NCF4: variants seen among roughly 807,000 people sequenced by gnomAD.
NCF4 encodes the protein neutrophil cytosolic factor 4, also known as neutrophil cytosol factor 4.
A neutral mutation model predicts 41.7 loss-of-function variants in NCF4; 30 were observed. The ratio of observed to expected loss-of-function variants is 0.72; its 90% confidence interval spans 0.54 to 0.97. NCF4 has a LOEUF of 0.97. Ranked by LOEUF, NCF4 falls within the 50% of genes least tolerant of loss-of-function variation. NCF4 has a pLI of 0.00. For synonymous variants in NCF4, 195 were observed against 175.8 expected, an observed-to-expected ratio of 1.11 and a Z score of -0.87; for missense variants, 432 against 460.9, an observed-to-expected ratio of 0.94 and a Z score of 0.57.
In NCF4 at chr22:36,865,146, T is replaced by G; in HGVS notation, c.271+74T>G. On this transcript the variant is annotated intron_variant, in intron 3 of 9. Coordinates refer to ENST00000248899, the MANE Select transcript of NCF4 (RefSeq NM_000631.5). The surrounding 1 kb of genome is among the most constrained non-coding windows in gnomAD (Gnocchi z 4.3). ...CCTTCCAGGGCCCCTGACACTGTTCTGTGATTTGATCTCAACCCCAGTGAA... is the reference window on the plus strand; with the variant it reads ...CCTTCCAGGGCCCCTGACACTGTTCGGTGATTTGATCTCAACCCCAGTGAA... The G allele has an allele frequency of 6.3e-7, 1 of 1,578,858 alleles. No homozygotes were observed. The highest frequency in any genetic ancestry group is 1.1e-5 in the South Asian group (1 of 90,202).
Position 36,861,157 on chromosome 22 carries a change from G to A in NCF4, c.-15G>A, listed in dbSNP as rs1439660874. 1.2e-5 allele frequency: 18 copies of A among 1,551,450 alleles called. No individual in the cohort carries two copies. Among genetic ancestry groups the A allele is most frequent in the Non-Finnish European group, 1.6e-5 (18 of 1,146,820 alleles). ...GGCGAGACTCTCCACCTGCTCCCTG[G>A]GACCATCGCCCACCATGGCTGTGGC... On this transcript the variant is annotated 5_prime_UTR_variant, in exon 1 of 10. Transcript: ENST00000248899.
chr22:36,877,652 A>T lies in NCF4; in HGVS notation c.849A>T (p.Ile283=), dbSNP rs761887926. The change falls in exon 10 of 10, where the codon ATA becomes ATT. Residue 283 remains isoleucine (I), a synonymous_variant. Coordinates refer to ENST00000248899, the MANE Select transcript of NCF4 (RefSeq NM_000631.5). ...LTRREFQRED[I]ALNYRDAEGD... The stretch of plus-strand genomic sequence containing the variant: ...GGCGGGAGTTCCAGAGAGAGGACAT[A>T]GCTCTGAATTACCGGGACGCTGAGG... The T allele has an allele frequency of 9.9e-6, 16 of 1,614,044 alleles. No homozygotes were observed. In the Admixed American group the frequency reaches 1.7e-4, roughly 17 times the overall value.
At chr22:36,871,242 A>G (rs746066552) in intron 5 of NCF4, among the ~76,000 whole-genome samples, 1 of 152,214 alleles carries the variant, frequency 6.6e-6, no homozygotes, top group Non-Finnish European at 1.5e-5. Flanking sequence ...TGGCAGCCGC[A>G]GGCCCCAGAG....
intron 3 of NCF4, 98 bp from the exon 4 acceptor site, chr22:36,867,294 A>G: frequency 7.9e-7 from 1 of 1,270,060 alleles, no homozygotes; most frequent in Non-Finnish European, 1.1e-6. Context: ...AGCCATCGGG[A>G]AGGGGCTCTG....
At chr22:36,877,569 T>C (rs1251550680) in intron 9 of NCF4, 59 bp from the exon 10 acceptor site, 19 of 1,589,416 alleles carry the variant, frequency 1.2e-5, no homozygotes, top group Middle Eastern at 1.7e-4. Context: ...TTTCACCCCC[T>C]CTCCCTACCC....
intron 6 of NCF4, 101 bp from the exon 7 acceptor site, chr22:36,872,226 T>C (rs1940074508): frequency 2.0e-6 from 2 of 985,048 alleles, no homozygotes; most frequent in Non-Finnish European, 3.3e-6. Context: ...CAAGCCTCAG[T>C]TTCTACATCT....
intron 5 of NCF4, 65 bp downstream of exon 5, chr22:36,870,607 C>T (rs1940034507): frequency 1.3e-6 from 2 of 1,584,576 alleles, no homozygotes; most frequent in Non-Finnish European, 1.7e-6. Flanking sequence ...AAAAGCATCT[C>T]TTTTCCCTGA....
chr22:36,868,054 G>T (rs754152938), intron 4 of NCF4, among the ~76,000 whole-genome samples: 2 of 152,218 alleles, frequency 1.3e-5, no homozygotes, highest in Admixed American at 1.3e-4. Flanking sequence ...AGATGGGAGC[G>T]TAGAGGAAGG....
chr22:36,875,296 C>T (rs1940167946), intron 7 of NCF4, among the ~76,000 whole-genome samples: 1 of 152,134 alleles, frequency 6.6e-6, no homozygotes, highest in Non-Finnish European at 1.5e-5. Flanking sequence ...TCCCAAAGTG[C>T]TAGGATTACA....
intron 3 of NCF4, among the ~76,000 whole-genome samples, chr22:36,866,808 C>T (rs1278854312): frequency 1.4e-4 from 22 of 152,196 alleles, no homozygotes; most frequent in Non-Finnish European, 2.5e-4. Context: ...CTGCCTTGAG[C>T]TTGAGGAATT....
At chr22:36,870,937 A>G (rs2072706) in intron 5 of NCF4, among the ~76,000 whole-genome samples, 99,497 of 152,066 alleles carry the variant, frequency 0.65, 32,703 homozygotes, top group Non-Finnish European at 0.67. Flanking sequence ...TTGGAGCTCC[A>G]TGGGGCCAGC....
chr22:36,873,019 A>G (rs1359568490), intron 7 of NCF4, among the ~76,000 whole-genome samples: 28 of 59,978 alleles, frequency 4.7e-4, no homozygotes, highest in South Asian at 5.6e-4. Flanking sequence ...TGGAGGTGAG[A>G]CTGGAGGTGA....
chr22:36,865,465 C>G lies in NCF4; in HGVS notation c.271+393C>G, dbSNP rs1382928953. 2.6e-5 allele frequency among the ~76,000 whole-genome samples: 4 copies of G among 152,270 alleles called. No homozygotes were observed. The East Asian group carries it at 5.8e-4, about 22-fold the overall frequency. ...CACCCTCAGCTTCCTCCCACGAGACCAGCCCTCTGACTTCATGGTCTTGGC... is the reference window on the plus strand; with the variant it reads ...CACCCTCAGCTTCCTCCCACGAGACGAGCCCTCTGACTTCATGGTCTTGGC... On this transcript the variant is annotated intron_variant, in intron 3 of 9. Transcript: ENST00000248899. This position sits in a 1 kb window ranked among gnomAD's most constrained non-coding sequence, Gnocchi z 4.3.
intron 8 of NCF4, 105 bp from the exon 9 acceptor site, chr22:36,875,924 G>A (rs1940182460): frequency 6.2e-7 from 1 of 1,614,152 alleles, no homozygotes; most frequent in African/African-American, 1.3e-5. Flanking sequence ...GCTGTAACAA[G>A]CCATCAACGT....
chr22:36,870,143 T>C (rs1365454332), intron 4 of NCF4: 4 of 506,106 alleles, frequency 7.9e-6, no homozygotes, highest in Non-Finnish European at 1.4e-5. Context: ...ATTACTGCTG[T>C]TTCTGGAGAA....
rs569622853 is a variant in NCF4, at chr22:36,876,685, A to G, written c.824+591A>G. Among the ~76,000 whole-genome samples the G allele has an allele frequency of 9.9e-5, 15 of 152,208 alleles. 1 individual carries two copies. Among genetic ancestry groups the G allele is most frequent in the Non-Finnish European group, 1.9e-4 (13 of 68,034 alleles). On this transcript the variant is annotated intron_variant, in intron 9 of 9. Coordinates refer to ENST00000248899, the MANE Select transcript of NCF4 (RefSeq NM_000631.5). ...ACCTTTCAGTGGCTACATCATTAAC[A>G]TGGCCATGCGCTTTTGCTGGCCTCT...
In NCF4 at chr22:36,870,538, A is replaced by G. The variant is rs1447299780; in HGVS notation, c.466A>G (p.Lys156Glu). 1 of 1,611,578 alleles carries G rather than the reference A, an allele frequency of 6.2e-7. No individual in the cohort carries two copies. Among genetic ancestry groups the G allele is most frequent in the African/African-American group, 1.3e-5 (1 of 74,902 alleles). Residue 156 changes from lysine (K) to glutamate (E), a missense_variant, in exon 5 of 10, where the codon AAA becomes GAA. By Grantham distance (56) the Lys-to-Glu change is moderately conservative (BLOSUM62 1). Transcript: ENST00000248899. ...ALRRLRPRTR[K>E]VKSVSPQGNS... ...CCGCCGGCTCCGCCCGCGCACCCGG[A>G]AAGTGTAAGTGACCAGCCCCTGGGC... is the stretch of plus-strand genomic sequence containing the variant.
chr22:36,874,776 G>A (rs1469060619), intron 7 of NCF4, among the ~76,000 whole-genome samples: 2 of 152,214 alleles, frequency 1.3e-5, no homozygotes, highest in Non-Finnish European at 2.9e-5. Context: ...CCATGGCCGG[G>A]TCTGGGTCTG....
chr22:36,877,075 TAG>T (rs1940208823), intron 9 of NCF4, among the ~76,000 whole-genome samples: 2 of 152,092 alleles, frequency 1.3e-5, no homozygotes. Context: ...CTTAATCCTT[TAG>T]CACATTTATA....
Sources: allele counts gnomAD v4.1 joint callset (sites outside exome capture counted in the v4.1 genomes callset), GRCh38; gene constraint gnomAD v4.1.1; non-coding constraint Gnocchi (gnomAD v3.1); transcripts MANE v1.5; gene names NCBI Gene and HGNC (gene_info 2026-07-23, HGNC 2026-07-21).